Variants in ADAMTS6 observed in about 807,000 individuals in gnomAD.
The protein encoded by ADAMTS6 is ADAM metallopeptidase with thrombospondin type 1 motif 6, also known as A disintegrin and metalloproteinase with thrombospondin motifs 6.
In ADAMTS6, 23 loss-of-function variants were observed where a neutral mutation model predicts 144.3. That is an observed-to-expected ratio of 0.16 (90% CI 0.11 to 0.23). The LOEUF (loss-of-function observed/expected upper bound fraction) is 0.23. Among genes scored for constraint, ADAMTS6 ranks in the 10% least tolerant of loss-of-function variants. ADAMTS6 has a pLI of 1.00. For synonymous variants in ADAMTS6, 444 were observed against 457.5 expected (o/e 0.97, Z 0.38); for missense variants, 999 against 1,379.6 (o/e 0.72, Z 4.37).
chr5:65,211,993 G>A (rs1484697926), intron 20 of ADAMTS6, among the ~76,000 whole-genome samples: 14 of 152,168 alleles, frequency 9.2e-5, no homozygotes, highest in Admixed American at 8.5e-4. Context: ...CGTGTCTAGA[G>A]TGCTGGGTTT....
chr5:65,202,383 T>C (rs1424471203), intron 20 of ADAMTS6, among the ~76,000 whole-genome samples: 1 of 152,192 alleles, frequency 6.6e-6, no homozygotes, highest in Non-Finnish European at 1.5e-5. Flanking sequence ...GAATTCCTAT[T>C]ACTCCTTAGC....
intron 11 of ADAMTS6, among the ~76,000 whole-genome samples, chr5:65,274,234 C>T (rs939258077): frequency 6.6e-6 from 1 of 151,670 alleles, no homozygotes; most frequent in Non-Finnish European, 1.5e-5. Context: ...TAAAATAAGC[C>T]GTTCAATATT....
At chr5:65,169,441 C>G (rs1282359774) in intron 24 of ADAMTS6, among the ~76,000 whole-genome samples, 1 of 137,550 alleles carries the variant, frequency 7.3e-6, no homozygotes, top group African/African-American at 2.9e-5. Context: ...GTTGGTGGGA[C>G]TGTAAACTAG....
chr5:65,304,523 C>G (rs1395095070), intron 9 of ADAMTS6, among the ~76,000 whole-genome samples: 1 of 152,144 alleles, frequency 6.6e-6, no homozygotes, highest in African/African-American at 2.4e-5. Context: ...GCCTCGACCT[C>G]CTGTGCTCAA....
Position 65,279,442 on chromosome 5 carries a change from G to T in ADAMTS6, c.1513-5995C>A, listed in dbSNP as rs1163295817. ...AGCAAATCTCCTGCCTCAGCCTCCT[G>T]AGTAGCTGGGATTACAGGCGCCTGC... On this transcript the variant is annotated intron_variant, in intron 11 of 24. Transcript: ENST00000381055. 2.6e-5 allele frequency among the ~76,000 whole-genome samples: 4 copies of T among 152,136 alleles called. No homozygotes were observed. The East Asian group carries it at 7.7e-4, about 29-fold the overall frequency.
intron 7 of ADAMTS6, among the ~76,000 whole-genome samples, chr5:65,392,602 T>C (rs534690691): frequency 1.3e-5 from 2 of 152,328 alleles, no homozygotes; most frequent in Non-Finnish European, 2.9e-5. Flanking sequence ...GTTCTTGTTA[T>C]ATGACCCCAT....
At chr5:65,218,978 G>T (rs1757120817) in intron 18 of ADAMTS6, among the ~76,000 whole-genome samples, 1 of 151,952 alleles carries the variant, frequency 6.6e-6, no homozygotes, top group Non-Finnish European at 1.5e-5. Flanking sequence ...ATTAAACAGA[G>T]CAAAGAAGTA....
At chr5:65,348,044 G>A (rs926277831) in intron 7 of ADAMTS6, among the ~76,000 whole-genome samples, 1 of 152,084 alleles carries the variant, frequency 6.6e-6, no homozygotes, top group African/African-American at 2.4e-5. Flanking sequence ...AGAAGATGTA[G>A]AGAAAGGGAG....
chr5:65,401,727 C>T (rs560399083), intron 7 of ADAMTS6, among the ~76,000 whole-genome samples: 1 of 152,282 alleles, frequency 6.6e-6, no homozygotes, highest in South Asian at 2.1e-4. Flanking sequence ...TTGGGAGACA[C>T]TGTTTGTCCT....
At chr5:65,333,350 T>C (rs1414885489) in intron 8 of ADAMTS6, among the ~76,000 whole-genome samples, 1 of 152,126 alleles carries the variant, frequency 6.6e-6, no homozygotes, top group Non-Finnish European at 1.5e-5. Context: ...TCTGTAACAA[T>C]GTGTAATTTT....
At chr5:65,219,979 A>G (rs1757200839) in intron 18 of ADAMTS6, among the ~76,000 whole-genome samples, 2 of 152,242 alleles carry the variant, frequency 1.3e-5, no homozygotes, top group Admixed American at 1.3e-4. Flanking sequence ...AAATAAGAAT[A>G]TAAAAAATGT....
chr5:65,318,304 T>C (rs973394401), intron 9 of ADAMTS6, among the ~76,000 whole-genome samples: 1 of 152,122 alleles, frequency 6.6e-6, no homozygotes, highest in Non-Finnish European at 1.5e-5. Flanking sequence ...GTACAGCCAC[T>C]ATGAAGAACA....
intron 12 of ADAMTS6, among the ~76,000 whole-genome samples, chr5:65,263,240 CT>C (rs1372452296): frequency 6.6e-6 from 1 of 152,030 alleles, no homozygotes; most frequent in Admixed American, 6.6e-5. Context: ...TTCCTCTTGA[CT>C]TTTAGTGTTT....
chr5:65,379,633 C>T (rs549017073), intron 7 of ADAMTS6, among the ~76,000 whole-genome samples: 109 of 152,144 alleles, frequency 7.2e-4, no homozygotes, highest in African/African-American at 2.6e-3. Flanking sequence ...CTTTCATTTC[C>T]TCAACACCTG....
At chr5:65,391,609 T>C (rs1752920538) in intron 7 of ADAMTS6, among the ~76,000 whole-genome samples, 1 of 152,184 alleles carries the variant, frequency 6.6e-6, no homozygotes, top group African/African-American at 2.4e-5. Context: ...GTCTGTCTTT[T>C]ATAGTATTTA....
At chr5:65,225,146 T>A in intron 16 of ADAMTS6, 99 bp from the exon 17 acceptor site, 1 of 1,331,458 alleles carries the variant, frequency 7.5e-7, no homozygotes. Flanking sequence ...GTTTTTCCAG[T>A]AAAGAAAAGA....
intron 18 of ADAMTS6, among the ~76,000 whole-genome samples, chr5:65,223,863 G>T (rs1168603256): frequency 6.6e-6 from 1 of 151,338 alleles, no homozygotes; most frequent in African/African-American, 2.4e-5. Flanking sequence ...GCAGTGGCAG[G>T]ATCTCCACTC....
At chr5:65,210,851 T>C (rs1756476817) in intron 20 of ADAMTS6, 2 of 364,380 alleles carry the variant, frequency 5.5e-6, no homozygotes, top group African/African-American at 4.2e-5. Context: ...AAGAAAGCTC[T>C]TGCTGCCACA....
chr5:65,360,768 T>C (rs1045053985), intron 7 of ADAMTS6, among the ~76,000 whole-genome samples: 1 of 152,182 alleles, frequency 6.6e-6, no homozygotes, highest in African/African-American at 2.4e-5. Flanking sequence ...ATCCGACACC[T>C]AAGAAAAAGA....
Sources: gnomAD v4.1 joint callset for allele counts (sites outside exome capture counted in the v4.1 genomes callset) on GRCh38, gnomAD v4.1.1 for gene constraint, MANE v1.5 for transcripts, NCBI Gene and HGNC (gene_info 2026-07-23, HGNC 2026-07-21) for gene names.